The following TBC1D14 variants were observed in gnomAD, a reference collection of about 807,000 sequenced individuals.
TBC1D14 encodes TBC1 domain family member 14.
In TBC1D14, 26 loss-of-function variants were observed where a neutral mutation model predicts 79.0. The observed-to-expected ratio is 0.33, with a 90% confidence interval of 0.24 to 0.46. The LOEUF (loss-of-function observed/expected upper bound fraction) is 0.46. TBC1D14 is among the 20% of genes least tolerant of loss of function. The pLI, the probability that TBC1D14 is intolerant of heterozygous loss-of-function variation, is 1.00. For synonymous variants in TBC1D14, 394 were observed against 349.9 expected (o/e 1.13, Z -1.40); for missense variants, 769 against 887.6 (o/e 0.87, Z 1.70).
chr4:6,994,864 C>CA lies in TBC1D14; in HGVS notation c.962+579dup, dbSNP rs34072749. ...GGGCAACAAGAGCAAAACTCCGTCT[C>CA]AAAAAAAAAAAAAAAAAGAAGCAGT... On this transcript the variant is annotated intron_variant, in intron 4 of 13. Transcript: ENST00000409757. Among the ~76,000 whole-genome samples the CA allele has an allele frequency of 9.1e-3, 957 of 105,242 alleles. 10 individuals carry two copies. Among genetic ancestry groups the CA allele is most frequent in the Admixed American group, 0.025 (241 of 9,576 alleles). The allele number at this position is 105,242 out of a possible 152,430, so 69.0% of individuals were successfully genotyped here.
chr4:6,943,341 C>T (rs1713095299), intron 2 of TBC1D14, among the ~76,000 whole-genome samples: 1 of 152,204 alleles, frequency 6.6e-6, no homozygotes, highest in African/African-American at 2.4e-5. Context: ...TCCCTCTGCC[C>T]CTCTCCCTTC....
chr4:6,955,335 C>T (rs1403043843), intron 2 of TBC1D14, among the ~76,000 whole-genome samples: 3 of 152,208 alleles, frequency 2.0e-5, no homozygotes, highest in Non-Finnish European at 2.9e-5. Flanking sequence ...TGCTATGTCC[C>T]TTCAGGAGGA....
intron 12 of TBC1D14, among the ~76,000 whole-genome samples, chr4:7,016,965 C>G (rs56097119): frequency 0.095 from 14,474 of 152,198 alleles, 791 homozygotes; most frequent in African/African-American, 0.14. Context: ...TTGGAACAAC[C>G]TCTCCAAGCC....
chr4:7,010,908 C>T, intron 11 of TBC1D14, 127 bp downstream of exon 11: 1 of 1,183,700 alleles, frequency 8.4e-7, no homozygotes, highest in Non-Finnish European at 1.2e-6. Context: ...TTAGAGTAAG[C>T]AGCACTGTAA....
intron 2 of TBC1D14, among the ~76,000 whole-genome samples, chr4:6,929,503 A>G (rs1711536841): frequency 6.6e-6 from 1 of 152,030 alleles, no homozygotes. Context: ...AGTGCTGTCC[A>G]CCCGCCTGAG....
rs572004553 is a variant in TBC1D14, at chr4:6,966,124, C to A, written c.723-1180C>A. The stretch of plus-strand genomic sequence containing the variant: ...CTCTTTTATTCAGTGAGTTATAATC[C>A]ATTGTTCTCATTATTTGGATGAGTA... On this transcript the variant is annotated intron_variant, in intron 2 of 13. Transcript: ENST00000409757. Among the ~76,000 whole-genome samples, 51 of 152,210 alleles carry A rather than the reference C, an allele frequency of 3.4e-4. 2 individuals carry two copies. The South Asian group carries it at 1.0e-2, about 30-fold the overall frequency.
chr4:6,937,237 A>C (rs952338844), intron 2 of TBC1D14, among the ~76,000 whole-genome samples: 1 of 152,216 alleles, frequency 6.6e-6, no homozygotes, highest in Non-Finnish European at 1.5e-5. Context: ...TTTTAAACAT[A>C]ATATTGTAGA....
chr4:6,948,706 G>GTT (rs1266983982), intron 2 of TBC1D14, among the ~76,000 whole-genome samples: 1 of 139,290 alleles, frequency 7.2e-6, no homozygotes, highest in African/African-American at 2.9e-5. Flanking sequence ...AGGGGTACTT[G>GTT]GTTTTTTTTT....
intron 2 of TBC1D14, among the ~76,000 whole-genome samples, chr4:6,966,884 A>G (rs1715742950): frequency 6.6e-6 from 1 of 152,210 alleles, no homozygotes; most frequent in African/African-American, 2.4e-5. Context: ...ATCTCAGCTC[A>G]CTGCAAGCTC....
In TBC1D14 at chr4:7,025,833, T is replaced by C. The variant is rs1452222045; in HGVS notation, c.2016+571T>C. On this transcript the variant is annotated intron_variant, in intron 13 of 13. Coordinates refer to ENST00000409757, the MANE Select transcript of TBC1D14 (RefSeq NM_020773.3). ...CGCGGATAGTCCGTATCCCTTGGTT[T>C]CCCTCCAGGCATCCCTCCTAGGTCC... 2.0e-5 allele frequency among the ~76,000 whole-genome samples: 3 copies of C among 152,146 alleles called. No homozygotes were observed. The East Asian group carries it at 5.8e-4, about 29-fold the overall frequency.
At chr4:7,006,819 C>G in intron 9 of TBC1D14, 93 bp downstream of exon 9, 1 of 1,290,370 alleles carries the variant, frequency 7.7e-7, no homozygotes, top group Non-Finnish European at 1.1e-6. Context: ...TTGAAAGGTA[C>G]TTGGGTTTTT....
intron 2 of TBC1D14, among the ~76,000 whole-genome samples, chr4:6,933,454 G>A (rs1035147960): frequency 4.6e-5 from 7 of 151,192 alleles, no homozygotes; most frequent in Admixed American, 1.3e-4. Context: ...ACAGACGTGC[G>A]CCATCACACA....
chr4:7,013,373 C>T (rs546556037), intron 11 of TBC1D14, among the ~76,000 whole-genome samples: 2 of 152,356 alleles, frequency 1.3e-5, no homozygotes, highest in South Asian at 4.1e-4. Flanking sequence ...AGAGCCCCTC[C>T]TTCGGATGCA....
intron 1 of TBC1D14, among the ~76,000 whole-genome samples, chr4:6,911,983 G>A (rs1280461093): frequency 1.3e-5 from 2 of 152,138 alleles, no homozygotes; most frequent in East Asian, 1.9e-4. Context: ...TGGGGTCATG[G>A]TATATTGTCC....
intron 13 of TBC1D14, among the ~76,000 whole-genome samples, chr4:7,028,747 A>G (rs986270219): frequency 6.6e-6 from 1 of 151,998 alleles, no homozygotes; most frequent in Admixed American, 6.5e-5. Flanking sequence ...ACTTTTATAC[A>G]GTTCAGGTCT....
intron 12 of TBC1D14, among the ~76,000 whole-genome samples, chr4:7,015,188 G>C (rs1488100361): frequency 1.3e-5 from 2 of 152,016 alleles, no homozygotes; most frequent in East Asian, 1.9e-4. Context: ...AGTGGGAGAA[G>C]GCTTCTGCTG....
Position 7,032,014 on chromosome 4 carries a change from C to CGTTTG in TBC1D14, c.*1622_*1623insGTTTG, listed in dbSNP as rs565131268. 3.3e-5 allele frequency: 5 copies of CGTTTG among 152,382 alleles called. No individual in the cohort carries two copies. The highest frequency in any genetic ancestry group is 1.2e-4 in the African/African-American group (5 of 41,464). 9.4% of individuals were successfully genotyped at this position (152,382 alleles called of 1,614,324 possible). On this transcript the variant is annotated 3_prime_UTR_variant, in exon 14 of 14. Coordinates refer to ENST00000409757, the MANE Select transcript of TBC1D14 (RefSeq NM_020773.3). ...CTGCCCCGTGCCCTCCTTCCCAGCA[C>CGTTTG]TATCATGTGTCACGTTTCCCGGACT...
chr4:6,942,127 A>T (rs1368337993), intron 2 of TBC1D14, among the ~76,000 whole-genome samples: 1 of 152,270 alleles, frequency 6.6e-6, no homozygotes, highest in African/African-American at 2.4e-5. Flanking sequence ...GGAAAATATC[A>T]TAGAATAATG....
intron 1 of TBC1D14, among the ~76,000 whole-genome samples, chr4:6,914,263 G>C (rs1406193344): frequency 6.6e-6 from 1 of 152,140 alleles, no homozygotes; most frequent in Non-Finnish European, 1.5e-5. Context: ...GTTTCTGCCT[G>C]GTTTGCCGAA....
Sources: allele counts gnomAD v4.1 joint callset (sites outside exome capture counted in the v4.1 genomes callset), GRCh38; gene constraint gnomAD v4.1.1; transcripts MANE v1.5; gene names NCBI Gene and HGNC (gene_info 2026-07-23, HGNC 2026-07-21).